SLC9A3: variants seen among roughly 807,000 people sequenced by gnomAD.
The protein encoded by SLC9A3 is sodium/hydrogen exchanger 3.
Under a neutral mutation model 86.8 loss-of-function variants are expected in SLC9A3, and 37 were observed. That is an observed-to-expected ratio of 0.43 (90% CI 0.33 to 0.56). SLC9A3 has a LOEUF of 0.56. Among genes scored for constraint, SLC9A3 ranks in the 20% least tolerant of loss-of-function variants. SLC9A3 has a pLI of 0.06. For missense variants in SLC9A3, 1,011 were observed against 1,171.9 expected (o/e 0.86, Z 2.00); for synonymous variants, 581 against 528.3 (o/e 1.10, Z -1.37).
rs1255009651 is a variant in SLC9A3 at position 472,734 on chromosome 5, G to A, written c.*645C>T. ...AAACGGCGCTCGGCCCAGGCCGCTTGCGGGCGCTGGGCCTGCAGCCGCTGC... is the reference window on the plus strand; with the variant it reads ...AAACGGCGCTCGGCCCAGGCCGCTTACGGGCGCTGGGCCTGCAGCCGCTGC... On this transcript the variant is annotated 3_prime_UTR_variant, in exon 17 of 17. Coordinates refer to ENST00000264938, the MANE Select transcript of SLC9A3 (RefSeq NM_004174.4). 3.5e-6 allele frequency: 2 copies of A among 575,540 alleles called. No homozygotes were observed. The highest frequency in any genetic ancestry group is 1.5e-5 in the South Asian group (1 of 65,562). 35.7% of individuals were successfully genotyped at this position (575,540 alleles called of 1,614,324 possible). A position where few individuals can be genotyped will look rare whatever the true frequency, so the allele number is the denominator to read the frequency against.
rs374045434 is a variant in SLC9A3 at position 516,588 on chromosome 5, T to C, written c.211+7524A>G. Among the ~76,000 whole-genome samples the C allele has an allele frequency of 1.4e-4, 21 of 152,296 alleles. No homozygotes were observed. In the East Asian group the frequency reaches 1.9e-3, roughly 14 times the overall value. On this transcript the variant is annotated intron_variant, in intron 1 of 16. Coordinates refer to ENST00000264938, the MANE Select transcript of SLC9A3 (RefSeq NM_004174.4). The stretch of plus-strand genomic sequence containing the variant: ...ATGGGGCTGGGTTTGTCTGTCTTAT[T>C]CCAGAAGGCATATAGCTAAGGCATA...
chr5:475,481 CT>C, intron 15 of SLC9A3, 79 bp downstream of exon 15: 2 of 859,520 alleles, frequency 2.3e-6, no homozygotes, highest in Admixed American at 4.2e-5. Flanking sequence ...CCCAGTGCCC[CT>C]GGTCCAATGA....
At position 516,119 on chromosome 5, in the gene SLC9A3, G is replaced by A. The variant is rs192417088; in HGVS notation, c.211+7993C>T. 6.4e-4 allele frequency among the ~76,000 whole-genome samples: 93 copies of A among 144,338 alleles called. 1 individual carries two copies. In the Middle Eastern group the frequency reaches 0.01, roughly 16 times the overall value. The allele number at this position is 144,338 out of a possible 152,430, so 94.7% of individuals were successfully genotyped here. On this transcript the variant is annotated intron_variant, in intron 1 of 16. Coordinates refer to ENST00000264938, the MANE Select transcript of SLC9A3 (RefSeq NM_004174.4). ...TTTTTGCCTCGGGCACTTCGCTCTG[G>A]CTATCCCTTCCCTGGACATGCTTCC...
chr5:521,210 G>A (rs933572959), intron 1 of SLC9A3, among the ~76,000 whole-genome samples: 2 of 152,258 alleles, frequency 1.3e-5, no homozygotes, highest in African/African-American at 4.8e-5. Context: ...CAAATAGGGG[G>A]CTTGTGGGGA....
intron 10 of SLC9A3, chr5:479,358 C>T (rs890983): frequency 0.54 from 87,440 of 162,186 alleles, 24,452 homozygotes; most frequent in African/African-American, 0.68. Flanking sequence ...GCTCTGCAGA[C>T]GCTGAGAGGC....
In SLC9A3 at chr5:482,161, G is replaced by A. The variant is rs371756614; in HGVS notation, c.1357-4C>T. 34 of 1,607,206 alleles carry A rather than the reference G, an allele frequency of 2.1e-5. No individual in the cohort carries two copies. In the African/African-American group the frequency reaches 4.4e-4, roughly 21 times the overall value. On this transcript the variant is annotated splice_polypyrimidine_tract_variant and splice_region_variant and intron_variant, in intron 7 of 16. Transcript: ENST00000264938. Reference sequence around the variant, plus strand: ...CCAGAGGCTTGATGGTCAGGCCCTGGAGGACAGGGTCTCGTGACCCTGGTG... The same window carrying A: ...CCAGAGGCTTGATGGTCAGGCCCTGAAGGACAGGGTCTCGTGACCCTGGTG...
At chr5:493,802 C>T (rs1739902871) in intron 1 of SLC9A3, among the ~76,000 whole-genome samples, 1 of 152,214 alleles carries the variant, frequency 6.6e-6, no homozygotes, top group Non-Finnish European at 1.5e-5. Flanking sequence ...GCCCCACAGG[C>T]TCTCTGAGCC....
At chr5:488,577 CT>C (rs1431015803) in intron 2 of SLC9A3, 101 bp from the exon 3 acceptor site, 4 of 1,236,576 alleles carry the variant, frequency 3.2e-6, no homozygotes, top group Non-Finnish European at 4.4e-6. Context: ...CGGAGCCCGT[CT>C]GGCTGGCGCC....
At chr5:498,287 G>A (rs1297047334) in intron 1 of SLC9A3, among the ~76,000 whole-genome samples, 14 of 152,184 alleles carry the variant, frequency 9.2e-5, no homozygotes, top group African/African-American at 3.1e-4. Flanking sequence ...CTCACATTCC[G>A]GCCATTTCCG....
At chr5:515,748 C>T (rs565473450) in intron 1 of SLC9A3, among the ~76,000 whole-genome samples, 1 of 147,828 alleles carries the variant, frequency 6.8e-6, no homozygotes, top group East Asian at 2.0e-4. Flanking sequence ...CACACTCCCC[C>T]TGCCCCTCAC....
At chr5:518,462 C>T (rs1733796353) in intron 1 of SLC9A3, among the ~76,000 whole-genome samples, 1 of 152,134 alleles carries the variant, frequency 6.6e-6, no homozygotes, top group Admixed American at 6.5e-5. Flanking sequence ...ACCTGGTACC[C>T]AGAAACCTGG....
chr5:509,871 G>A (rs1243948635), intron 1 of SLC9A3, among the ~76,000 whole-genome samples: 1 of 152,234 alleles, frequency 6.6e-6, no homozygotes, highest in Admixed American at 6.5e-5. Context: ...AGTTCCCGCG[G>A]CGCGAATCAA....
intron 1 of SLC9A3, among the ~76,000 whole-genome samples, chr5:501,472 C>T (rs1442248461): frequency 2.6e-5 from 4 of 152,234 alleles, no homozygotes; most frequent in Non-Finnish European, 5.9e-5. Flanking sequence ...AGGGCGGAAG[C>T]ACAGGTACCC....
At chr5:475,911 G>T in intron 14 of SLC9A3, 109 bp downstream of exon 14, 1 of 983,754 alleles carries the variant, frequency 1.0e-6, no homozygotes, top group Non-Finnish European at 1.5e-6. Context: ...GGTGGCTGGA[G>T]GGTCCCCAGA....
chr5:517,825 C>T (rs747265965), intron 1 of SLC9A3, among the ~76,000 whole-genome samples: 3 of 86,252 alleles, frequency 3.5e-5, no homozygotes, highest in African/African-American at 1.5e-4. Flanking sequence ...ATCCATCCAT[C>T]CATCCATCCA....
intron 6 of SLC9A3, 72 bp from the exon 7 acceptor site, chr5:482,822 C>T: frequency 4.7e-6 from 6 of 1,269,896 alleles, no homozygotes; most frequent in East Asian, 2.5e-5. Flanking sequence ...CCCTCCGGGA[C>T]AGCGTCTTGG....
Position 488,030 on chromosome 5 carries a change from C to T in SLC9A3, c.675+286G>A, listed in dbSNP as rs187783571. Among the ~76,000 whole-genome samples, 20 of 152,334 alleles carry T rather than the reference C, an allele frequency of 1.3e-4. No homozygotes were observed. In the East Asian group the frequency reaches 1.9e-3, roughly 15 times the overall value. ...GTAACTGTGGGTCCAAAGTCACAGACGCTCTGGGGACCAGGAGGGCGGGAT... is the reference window on the plus strand; with the variant it reads ...GTAACTGTGGGTCCAAAGTCACAGATGCTCTGGGGACCAGGAGGGCGGGAT... On this transcript the variant is annotated intron_variant, in intron 3 of 16. Transcript: ENST00000264938.
At chr5:477,073 C>G in intron 11 of SLC9A3, 1 of 505,356 alleles carries the variant, frequency 2.0e-6, no homozygotes, top group African/African-American at 1.9e-5. Flanking sequence ...CAGGCTGCTG[C>G]GGGCCAGGGG....
intron 9 of SLC9A3, chr5:480,182 C>T: frequency 1.9e-6 from 1 of 513,150 alleles, no homozygotes; most frequent in Non-Finnish European, 3.5e-6. Flanking sequence ...TATGAAACTG[C>T]ATGCCGCCTC....
Sources: allele counts gnomAD v4.1 joint callset (sites outside exome capture counted in the v4.1 genomes callset), GRCh38; gene constraint gnomAD v4.1.1; transcripts MANE v1.5; gene names NCBI Gene and HGNC (gene_info 2026-07-23, HGNC 2026-07-21).